The following HPSE2 variants were observed in gnomAD, a reference collection of about 807,000 sequenced individuals.
The protein encoded by HPSE2 is heparanase 2 (inactive), also known as inactive heparanase-2.
Under a neutral mutation model 60.5 loss-of-function variants are expected in HPSE2, and 38 were observed. The ratio of observed to expected loss-of-function variants is 0.63; its 90% CI spans 0.48 to 0.82. The LOEUF (loss-of-function observed/expected upper bound fraction) is 0.82. Among genes scored for constraint, HPSE2 ranks in the 40% least tolerant of loss-of-function variants. The pLI is 0.00. For synonymous variants in HPSE2, 295 were observed against 293.2 expected, an observed-to-expected ratio of 1.01 and a Z score of -0.06; for missense variants, 713 against 740.4, an observed-to-expected ratio of 0.96 and a Z score of 0.43.
At chr10:99,180,823 G>A (rs948207142) in intron 2 of HPSE2, among the ~76,000 whole-genome samples, 46 of 127,584 alleles carry the variant, frequency 3.6e-4, no homozygotes, top group Non-Finnish European at 6.4e-4. Flanking sequence ...CCGGGAGCCA[G>A]AAGTTGCAGT....
intron 3 of HPSE2, among the ~76,000 whole-genome samples, chr10:98,844,100 G>A (rs2134703227): frequency 6.6e-6 from 1 of 152,232 alleles, no homozygotes; most frequent in Non-Finnish European, 1.5e-5. Context: ...ATGTGGCCTT[G>A]GGCAAGTCAC....
chr10:98,903,925 T>C (rs1386827534), intron 3 of HPSE2, among the ~76,000 whole-genome samples: 1 of 152,152 alleles, frequency 6.6e-6, no homozygotes, highest in Non-Finnish European at 1.5e-5. Context: ...AAAATTTGGT[T>C]AAATGAAATA....
chr10:99,057,644 G>A (rs1439332418), intron 3 of HPSE2, among the ~76,000 whole-genome samples: 2 of 152,130 alleles, frequency 1.3e-5, no homozygotes, highest in Non-Finnish European at 2.9e-5. Context: ...CAACAACCAG[G>A]TCCAATCCAG....
intron 3 of HPSE2, among the ~76,000 whole-genome samples, chr10:99,030,946 T>C (rs1055249767): frequency 1.3e-5 from 2 of 152,034 alleles, no homozygotes; most frequent in Admixed American, 1.3e-4. Flanking sequence ...TTGGACTTAA[T>C]GGACAGAGAG....
At chr10:99,076,140 C>A (rs996644942) in intron 3 of HPSE2, among the ~76,000 whole-genome samples, 3 of 151,326 alleles carry the variant, frequency 2.0e-5, no homozygotes, top group Non-Finnish European at 4.4e-5. Flanking sequence ...CTCTTGCTGT[C>A]TTCCCTTGTT....
At chr10:99,083,928 T>A (rs1364721676) in intron 3 of HPSE2, among the ~76,000 whole-genome samples, 2 of 142,000 alleles carry the variant, frequency 1.4e-5, no homozygotes, top group Non-Finnish European at 3.0e-5. Flanking sequence ...AAGTCTGGAC[T>A]AAAGGCCCAA....
rs187591227 is a variant in HPSE2, at chr10:98,924,100, G to A, written c.611-180044C>T. On this transcript the variant is annotated intron_variant, in intron 3 of 11. Transcript: ENST00000370552. Reference sequence around the variant, plus strand: ...ACTTGGGCCCCAAGCCCAATAATACGGTGGGTTTTGTACACTCATAGAGGT... The same window carrying A: ...ACTTGGGCCCCAAGCCCAATAATACAGTGGGTTTTGTACACTCATAGAGGT... 5.9e-5 allele frequency among the ~76,000 whole-genome samples: 9 copies of A among 152,294 alleles called. No homozygotes were observed. In the East Asian group the frequency reaches 1.2e-3, roughly 20 times the overall value.
intron 3 of HPSE2, among the ~76,000 whole-genome samples, chr10:98,762,003 C>T (rs1190338903): frequency 7.3e-6 from 1 of 136,596 alleles, no homozygotes; most frequent in Non-Finnish European, 1.6e-5. Context: ...CCCCTGTCTT[C>T]CCCTCCCCTC....
intron 3 of HPSE2, among the ~76,000 whole-genome samples, chr10:99,097,643 T>G (rs927988608): frequency 1.3e-5 from 2 of 152,178 alleles, no homozygotes; most frequent in Admixed American, 6.5e-5. Context: ...TTAAACACAA[T>G]ATAGTTAACA....
chr10:98,577,282 T>C (rs982501227), intron 9 of HPSE2, among the ~76,000 whole-genome samples: 2 of 152,218 alleles, frequency 1.3e-5, no homozygotes, highest in Non-Finnish European at 2.9e-5. Flanking sequence ...CTTGAAAATA[T>C]GTTTATTGTT....
At chr10:98,594,074 G>T (rs1484874205) in intron 9 of HPSE2, among the ~76,000 whole-genome samples, 1 of 150,726 alleles carries the variant, frequency 6.6e-6, no homozygotes, top group Non-Finnish European at 1.5e-5. Flanking sequence ...TTTGAAATAT[G>T]TATAATATGT....
At chr10:98,550,718 C>A (rs549537056) in intron 9 of HPSE2, among the ~76,000 whole-genome samples, 13 of 152,188 alleles carry the variant, frequency 8.5e-5, no homozygotes, top group African/African-American at 2.9e-4. Flanking sequence ...TCGTGATATG[C>A]CCGCCTCGGC....
At chr10:98,775,954 C>A (rs143295629) in intron 3 of HPSE2, among the ~76,000 whole-genome samples, 1 of 152,254 alleles carries the variant, frequency 6.6e-6, no homozygotes, top group African/African-American at 2.4e-5. Context: ...ATTATCTAAT[C>A]ATAACCAAAA....
intron 11 of HPSE2, among the ~76,000 whole-genome samples, chr10:98,479,599 G>GCAC (rs956939593): frequency 2.6e-5 from 4 of 152,170 alleles, no homozygotes; most frequent in African/African-American, 9.7e-5. Context: ...GTCCACCATG[G>GCAC]CACAGCCCAG....
intron 3 of HPSE2, among the ~76,000 whole-genome samples, chr10:98,781,306 T>TTTTTTTTTTTA (rs66481971): frequency 2.5e-5 from 3 of 120,106 alleles, no homozygotes; most frequent in Non-Finnish European, 3.4e-5. Flanking sequence ...TTTTTTTTTT[T>TTTTTTTTTTTA]ATTTTTAAAT....
At chr10:98,801,571 A>G (rs1042128802) in intron 3 of HPSE2, among the ~76,000 whole-genome samples, 3 of 152,164 alleles carry the variant, frequency 2.0e-5, no homozygotes, top group African/African-American at 7.2e-5. Context: ...AATATGAAAA[A>G]GAAATCAAAC....
At chr10:98,478,950 A>G (rs1941128120) in intron 11 of HPSE2, among the ~76,000 whole-genome samples, 1 of 152,122 alleles carries the variant, frequency 6.6e-6, no homozygotes, top group South Asian at 2.1e-4. Flanking sequence ...ATTCACTGAG[A>G]TGGGAAACAA....
At chr10:99,296,129 C>T in the HPSE2 span, among the ~76,000 whole-genome samples, 14 of 152,210 alleles carry the variant, frequency 9.2e-5, no homozygotes, top group Non-Finnish European at 2.1e-4. Flanking sequence ...AAAGCTTGCT[C>T]ATATAGCCTT....
chr10:99,152,875 C>T (rs574356450), intron 2 of HPSE2, among the ~76,000 whole-genome samples: 5 of 152,140 alleles, frequency 3.3e-5, no homozygotes, highest in African/African-American at 9.7e-5. Context: ...AGACAGTGGG[C>T]GCGGGTCAGT....
Sources: gnomAD v4.1 joint callset for allele counts (sites outside exome capture counted in the v4.1 genomes callset) on GRCh38, gnomAD v4.1.1 for gene constraint, MANE v1.5 for transcripts, NCBI Gene and HGNC (gene_info 2026-07-23, HGNC 2026-07-21) for gene names.